The following ERC2 variants were observed in gnomAD, a reference collection of about 807,000 sequenced individuals.
ERC2 encodes the protein ERC protein 2.
A neutral mutation model predicts 114.8 loss-of-function variants in ERC2; 42 were observed. That is an observed-to-expected ratio of 0.37 (90% CI 0.29 to 0.47). ERC2 has a LOEUF of 0.47. ERC2 is among the 20% of genes least tolerant of loss of function. The pLI, the probability that ERC2 is intolerant of heterozygous loss-of-function variation, is 0.99. For synonymous variants in ERC2, 454 were observed against 425.5 expected (o/e 1.07, Z -0.82); for missense variants, 939 against 1,150.7 (o/e 0.82, Z 2.66).
At chr3:55,536,819 C>T (rs1036727177) in intron 17 of ERC2, among the ~76,000 whole-genome samples, 1 of 152,164 alleles carries the variant, frequency 6.6e-6, no homozygotes, top group African/African-American at 2.4e-5. Context: ...GGCCTCCCAG[C>T]CCCCTCGGCC....
intron 7 of ERC2, among the ~76,000 whole-genome samples, chr3:56,075,404 T>C (rs1337708439): frequency 6.6e-6 from 1 of 152,176 alleles, no homozygotes; most frequent in East Asian, 1.9e-4. Context: ...GTTTGCCTTC[T>C]CTTGGTCTCT....
At chr3:55,900,266 C>T (rs1295513344) in intron 13 of ERC2, among the ~76,000 whole-genome samples, 2 of 152,120 alleles carry the variant, frequency 1.3e-5, no homozygotes, top group Non-Finnish European at 2.9e-5. Context: ...TGTTCATTTT[C>T]TTTCTTATTT....
At chr3:56,325,790 A>G (rs79573252) in intron 2 of ERC2, among the ~76,000 whole-genome samples, 2,892 of 152,290 alleles carry the variant, frequency 0.019, 103 homozygotes, top group East Asian at 0.16. Context: ...TATGATTACC[A>G]TCCCCTTTCT....
intron 2 of ERC2, among the ~76,000 whole-genome samples, chr3:56,386,087 C>A (rs1213686494): frequency 6.6e-6 from 1 of 151,954 alleles, no homozygotes. Flanking sequence ...ACAGATGACC[C>A]CAAATTACCT....
intron 3 of ERC2, among the ~76,000 whole-genome samples, chr3:56,184,697 C>G (rs1078310): frequency 0.079 from 12,081 of 152,160 alleles, 647 homozygotes; most frequent in Admixed American, 0.15. Context: ...GTTTATATTG[C>G]TATCTGCAGT....
intron 1 of ERC2, among the ~76,000 whole-genome samples, chr3:56,459,084 T>C (rs1257997914): frequency 6.6e-6 from 1 of 152,140 alleles, no homozygotes; most frequent in African/African-American, 2.4e-5. Context: ...CAACTCTCAC[T>C]GCCAGAGCAG....
At chr3:56,356,981 T>C (rs557678110) in intron 2 of ERC2, among the ~76,000 whole-genome samples, 47 of 152,320 alleles carry the variant, frequency 3.1e-4, no homozygotes, top group African/African-American at 1.1e-3. Context: ...TGTCTGACAG[T>C]AGAGTTTAGG....
intron 2 of ERC2, among the ~76,000 whole-genome samples, chr3:56,309,762 C>T (rs759032919): frequency 2.2e-4 from 33 of 152,176 alleles, no homozygotes; most frequent in Non-Finnish European, 3.8e-4. Flanking sequence ...GCCTGAAGCA[C>T]AGGGCTTGGC....
At chr3:56,412,177 T>C (rs1271911401) in intron 2 of ERC2, among the ~76,000 whole-genome samples, 1 of 152,152 alleles carries the variant, frequency 6.6e-6, no homozygotes, top group Non-Finnish European at 1.5e-5. Context: ...AGGCAGAGAC[T>C]ACAATGCTGC....
At chr3:56,382,161 G>C (rs774531728) in intron 2 of ERC2, among the ~76,000 whole-genome samples, 1 of 151,914 alleles carries the variant, frequency 6.6e-6, no homozygotes, top group Admixed American at 6.6e-5. Flanking sequence ...CAGATCCTCT[G>C]CCATCCCTCC....
At chr3:55,780,250 C>T (rs2068930787) in intron 14 of ERC2, among the ~76,000 whole-genome samples, 3 of 152,096 alleles carry the variant, frequency 2.0e-5, no homozygotes, top group Admixed American at 6.5e-5. Context: ...GGATTATTAA[C>T]ATATGATATG....
At chr3:56,077,491 G>A (rs2077028996) in intron 7 of ERC2, among the ~76,000 whole-genome samples, 1 of 152,128 alleles carries the variant, frequency 6.6e-6, no homozygotes, top group African/African-American at 2.4e-5. Context: ...CCAAACTTTT[G>A]AGTCTGGCTG....
intron 17 of ERC2, among the ~76,000 whole-genome samples, chr3:55,605,385 C>T (rs1443229004): frequency 6.6e-6 from 1 of 152,208 alleles, no homozygotes; most frequent in Non-Finnish European, 1.5e-5. Context: ...CATCAGCCAC[C>T]ATGACTGGTG....
intron 3 of ERC2, among the ~76,000 whole-genome samples, chr3:56,214,426 G>A (rs1489867080): frequency 6.6e-6 from 1 of 152,022 alleles, no homozygotes; most frequent in Non-Finnish European, 1.5e-5. Flanking sequence ...AATGAAGCAT[G>A]AAGAGAAGTT....
At chr3:55,770,544 C>T (rs2068116345) in intron 14 of ERC2, among the ~76,000 whole-genome samples, 1 of 152,160 alleles carries the variant, frequency 6.6e-6, no homozygotes, top group Non-Finnish European at 1.5e-5. Context: ...TCACTATTTC[C>T]TACCATCTTT....
At chr3:56,351,967 G>C (rs60146577) in intron 2 of ERC2, among the ~76,000 whole-genome samples, 3,064 of 152,258 alleles carry the variant, frequency 0.02, 111 homozygotes, top group African/African-American at 0.067. Context: ...GTAGAGGAAG[G>C]CTTCTTGGAT....
chr3:55,552,716 C>T (rs1003559434), intron 17 of ERC2, among the ~76,000 whole-genome samples: 6 of 151,234 alleles, frequency 4.0e-5, no homozygotes, highest in Non-Finnish European at 7.4e-5. Context: ...TTCACATTAG[C>T]ATTCATATAA....
intron 17 of ERC2, among the ~76,000 whole-genome samples, chr3:55,543,443 C>A (rs1206545591): frequency 1.3e-5 from 2 of 152,170 alleles, no homozygotes; most frequent in Non-Finnish European, 1.5e-5. Flanking sequence ...GAGTGAGTGG[C>A]CAGGTCACTG....
chr3:55,595,226 A>T (rs967565613), intron 17 of ERC2, among the ~76,000 whole-genome samples: 1 of 152,206 alleles, frequency 6.6e-6, no homozygotes, highest in Non-Finnish European at 1.5e-5. Context: ...CAAAATCAAG[A>T]TATCTGTTTA....
Sources: gnomAD v4.1 joint callset for allele counts (sites outside exome capture counted in the v4.1 genomes callset) on GRCh38, gnomAD v4.1.1 for gene constraint, MANE v1.5 for transcripts, NCBI Gene and HGNC (gene_info 2026-07-23, HGNC 2026-07-21) for gene names.